The following CACNA1D variants were observed in gnomAD, a reference collection of about 807,000 sequenced individuals.
CACNA1D encodes calcium voltage-gated channel subunit alpha1 D, also known as voltage-dependent L-type calcium channel subunit alpha-1D.
A neutral mutation model predicts 257.1 loss-of-function variants in CACNA1D; 55 were observed. The ratio of observed to expected loss-of-function variants is 0.21; its 90% CI spans 0.17 to 0.27. CACNA1D has a LOEUF of 0.27. Among genes scored for constraint, CACNA1D ranks in the 10% least tolerant of loss-of-function variants. The pLI is 1.00. For synonymous variants in CACNA1D, 980 were observed against 1,014.9 expected (o/e 0.97, Z 0.65); for missense variants, 1,876 against 2,784.0 (o/e 0.67, Z 7.34).
intron 3 of CACNA1D, among the ~76,000 whole-genome samples, chr3:53,625,030 A>G (rs1361527479): frequency 6.6e-6 from 1 of 152,178 alleles, no homozygotes; most frequent in Admixed American, 6.5e-5. Flanking sequence ...GAGTACCACG[A>G]TAGTTTGTGT....
intron 3 of CACNA1D, among the ~76,000 whole-genome samples, chr3:53,638,499 G>A (rs1473976519): frequency 6.6e-6 from 1 of 152,226 alleles, no homozygotes; most frequent in Non-Finnish European, 1.5e-5. Context: ...ACATAGACTA[G>A]ACACAGCAGT....
At chr3:53,648,829 A>AACACAC (rs148968944) in intron 3 of CACNA1D, among the ~76,000 whole-genome samples, 4,620 of 146,816 alleles carry the variant, frequency 0.031, 89 homozygotes, top group African/African-American at 0.049. Context: ...TAACTCTCAA[A>AACACAC]ACACACACAC....
At chr3:53,700,419 A>G (rs1030443694) in intron 8 of CACNA1D, among the ~76,000 whole-genome samples, 16 of 152,206 alleles carry the variant, frequency 1.1e-4, no homozygotes, top group African/African-American at 3.4e-4. Flanking sequence ...CTGCAGATAC[A>G]TGACATGCCA....
intron 30 of CACNA1D, among the ~76,000 whole-genome samples, chr3:53,768,965 C>T (rs2095350763): frequency 6.6e-6 from 1 of 152,202 alleles, no homozygotes; most frequent in Non-Finnish European, 1.5e-5. Context: ...TCTGTCGGCT[C>T]CTGGTGACAC....
At chr3:53,566,536 C>T (rs2092842197) in intron 3 of CACNA1D, among the ~76,000 whole-genome samples, 1 of 152,078 alleles carries the variant, frequency 6.6e-6, no homozygotes. Flanking sequence ...TCACTGTCTG[C>T]CCTCCCTCGC....
Position 53,770,503 on chromosome 3 carries a change from G to T in CACNA1D, c.3995G>T (p.Arg1332Met). 1 of 1,612,980 alleles carries T rather than the reference G, an allele frequency of 6.2e-7. No individual in the cohort carries two copies. The highest frequency in any genetic ancestry group is 8.5e-7 in the Non-Finnish European group (1 of 1,178,966). Residue 1332 changes from arginine (R) to methionine (M), a missense_variant, in exon 32 of 48, where the codon AGG becomes ATG. Around this residue, in one of 10 missense-constraint regions of CACNA1D, gnomAD observed 204 missense variants for 309.4 expected, o/e 0.66. Transcript: ENST00000350061. ...ATGCGATTGGTGAAGCTTCTCAGCA[G>T]GGGGGAAGGCATCCGGACATTGCTG... Reference protein sequence around the residue: ...RVMRLVKLLSRGEGIRTLLWT... With the variant: ...RVMRLVKLLSMGEGIRTLLWT...
chr3:53,503,502 T>A (rs2090691926), intron 3 of CACNA1D, among the ~76,000 whole-genome samples: 1 of 152,200 alleles, frequency 6.6e-6, no homozygotes, highest in African/African-American at 2.4e-5. Context: ...AGAACATGAT[T>A]AAACAAACTT....
rs2095555002 is a variant in CACNA1D at position 53,805,039 on chromosome 3, C to A, written c.5642C>A (p.Pro1881His). ...GGCAGAAACATCGACTCTGAGAGGC[C>A]CCGAGGCTACCATCATCCCCAAGGA... ...YPGRNIDSERPRGYHHPQGFL... is the reference protein window; with the variant it reads ...YPGRNIDSERHRGYHHPQGFL... Residue 1881 changes from proline to histidine, a missense_variant, in exon 45 of 48, where the codon CCC (proline) becomes CAC (histidine). Pro to His is a moderately conservative substitution (Grantham distance 77). Transcript: ENST00000350061. 6 of 1,614,122 alleles carry A rather than the reference C, an allele frequency of 3.7e-6. No homozygotes were observed. The highest frequency in any genetic ancestry group is 5.1e-6 in the Non-Finnish European group (6 of 1,180,014).
intron 8 of CACNA1D, among the ~76,000 whole-genome samples, chr3:53,681,037 C>G (rs1173716669): frequency 6.6e-6 from 1 of 152,192 alleles, no homozygotes; most frequent in Admixed American, 6.5e-5. Flanking sequence ...GTATTCTCCA[C>G]CCATATGAGA....
intron 20 of CACNA1D, among the ~76,000 whole-genome samples, chr3:53,738,766 A>C (rs2095084515): frequency 1.3e-5 from 2 of 152,054 alleles, no homozygotes; most frequent in African/African-American, 4.8e-5. Context: ...AGTTTAAAAA[A>C]GAGAGCGAGA....
At position 53,740,611 on chromosome 3, in the gene CACNA1D, G is replaced by T. The variant is rs200979293; in HGVS notation, c.2811+272G>T. The stretch of plus-strand genomic sequence containing the variant: ...TGGTTGAGCTAAGTTTTTTTTTTTT[G>T]TTTTTTAAACCGAAGGATTTTTTTT... On this transcript the variant is annotated intron_variant, in intron 21 of 47. Transcript: ENST00000350061. 7.1e-3 allele frequency: 2,657 copies of T among 374,902 alleles called. 10 individuals are homozygous for T. The highest frequency in any genetic ancestry group is 8.8e-3 in the Non-Finnish European group (1,857 of 210,194). 23.2% of individuals were successfully genotyped at this position (374,902 alleles called of 1,614,324 possible).
rs145868227 is a variant in CACNA1D, at chr3:53,652,036, C to T, written c.623+1118C>T. ...TAGCTTTTCAAACCGCCCCCGCCGC[C>T]AATACATTGTCATTTAAGGCATCAT... On this transcript the variant is annotated intron_variant, in intron 4 of 47. Transcript: ENST00000350061. Among the ~76,000 whole-genome samples the T allele has an allele frequency of 3.5e-3, 529 of 152,238 alleles. 5 individuals are homozygous for T. Among genetic ancestry groups the T allele is most frequent in the African/African-American group, 0.011 (476 of 41,544 alleles).
At chr3:53,568,512 T>A (rs2092887931) in intron 3 of CACNA1D, among the ~76,000 whole-genome samples, 1 of 152,100 alleles carries the variant, frequency 6.6e-6, no homozygotes, top group African/African-American at 2.4e-5. Context: ...TACTCTTCTG[T>A]CCACAGATAC....
At chr3:53,652,259 C>T (rs181868094) in intron 4 of CACNA1D, among the ~76,000 whole-genome samples, 13 of 152,094 alleles carry the variant, frequency 8.5e-5, no homozygotes, top group East Asian at 1.9e-4. Flanking sequence ...CTTGCGTCAC[C>T]GTGCTATGAT....
intron 3 of CACNA1D, among the ~76,000 whole-genome samples, chr3:53,511,670 A>G (rs1450743435): frequency 1.3e-5 from 2 of 152,206 alleles, no homozygotes; most frequent in African/African-American, 4.8e-5. Context: ...TTGATTATAT[A>G]AATTAGTATA....
chr3:53,613,324 A>C (rs1325996617), intron 3 of CACNA1D, among the ~76,000 whole-genome samples: 1 of 152,108 alleles, frequency 6.6e-6, no homozygotes, highest in East Asian at 1.9e-4. Flanking sequence ...ATAATGCCTC[A>C]GTTTGTTATC....
chr3:53,706,729 C>CA (rs769772128), intron 9 of CACNA1D, among the ~76,000 whole-genome samples: 153 of 152,218 alleles, frequency 1.0e-3, no homozygotes, highest in Middle Eastern at 3.4e-3. Context: ...GAAAAGTGTA[C>CA]ATTATACCCA....
At chr3:53,810,564 C>A in intron 47 of CACNA1D, 2 of 502,384 alleles carry the variant, frequency 4.0e-6, no homozygotes. Context: ...CAAAGACCAG[C>A]CTTGCCAACA....
chr3:53,604,163 A>G (rs1314965834), intron 3 of CACNA1D, among the ~76,000 whole-genome samples: 2 of 152,166 alleles, frequency 1.3e-5, no homozygotes, highest in African/African-American at 4.8e-5. Flanking sequence ...TTCCCTTACC[A>G]TGAAGCACAA....
Sources: allele counts gnomAD v4.1 joint callset (sites outside exome capture counted in the v4.1 genomes callset), GRCh38; gene constraint gnomAD v4.1.1; regional missense constraint gnomAD v4.1.1; transcripts MANE v1.5; gene names NCBI Gene and HGNC (gene_info 2026-07-23, HGNC 2026-07-21).